The following SPCS2 variants were observed in gnomAD, a reference collection of about 807,000 sequenced individuals.
The protein encoded by SPCS2 is SPase 25 kDa subunit.
A neutral mutation model predicts 22.3 loss-of-function variants in SPCS2; 3 were observed. The ratio of observed to expected loss-of-function variants is 0.13; its 90% CI spans 0.06 to 0.35. The LOEUF (loss-of-function observed/expected upper bound fraction) is 0.35. Among genes scored for constraint, SPCS2 ranks in the 10% least tolerant of loss-of-function variants. The probability of loss-of-function intolerance (pLI) is 1.00; values close to 1 mark genes in which losing one functional copy is unlikely to be tolerated. For missense variants in SPCS2, 169 were observed against 280.9 expected, an observed-to-expected ratio of 0.60 and a Z score of 2.85; for synonymous variants, 67 against 97.2, an observed-to-expected ratio of 0.69 and a Z score of 1.83.
At chr11:74,975,624 T>A (rs1225770932) in intron 4 of SPCS2, among the ~76,000 whole-genome samples, 2 of 152,216 alleles carry the variant, frequency 1.3e-5, no homozygotes, top group African/African-American at 4.8e-5. Flanking sequence ...TAGCAGTTGG[T>A]CAGAACTTGA....
At chr11:74,973,762 G>GT (rs1291636845) in intron 4 of SPCS2, among the ~76,000 whole-genome samples, 1 of 151,894 alleles carries the variant, frequency 6.6e-6, no homozygotes, top group Admixed American at 6.6e-5. Context: ...TTTACTCTCG[G>GT]TTTTTTGTTG....
At chr11:74,952,389 A>T (rs889347726) in intron 1 of SPCS2, among the ~76,000 whole-genome samples, 3 of 152,232 alleles carry the variant, frequency 2.0e-5, no homozygotes, top group Admixed American at 1.3e-4. Context: ...ATTCATACAT[A>T]TTATAGGCTT....
chr11:74,972,062 C>T (rs904511985), intron 4 of SPCS2, among the ~76,000 whole-genome samples: 14 of 151,948 alleles, frequency 9.2e-5, no homozygotes, highest in African/African-American at 3.4e-4. Context: ...ATTAGGTGGT[C>T]CTAGTTATTC....
intron 2 of SPCS2, 88 bp from the exon 3 acceptor site, chr11:74,965,675 T>G: frequency 8.5e-7 from 1 of 1,176,606 alleles, no homozygotes; most frequent in South Asian, 1.4e-5. Flanking sequence ...GTAATTCATA[T>G]GATTCTTTTA....
intron 1 of SPCS2, among the ~76,000 whole-genome samples, chr11:74,961,802 A>G (rs1309509513): frequency 3.3e-5 from 5 of 152,172 alleles, no homozygotes; most frequent in Non-Finnish European, 5.9e-5. Flanking sequence ...TGCTGGGATT[A>G]TAGGTGTGAG....
At position 74,978,341 on chromosome 11, in the gene SPCS2, A is replaced by G. The variant is rs1948627674; in HGVS notation, c.*1298A>G. The G allele has an allele frequency of 1.3e-5, 2 of 152,232 alleles. No individual in the cohort carries two copies. The highest frequency in any genetic ancestry group is 1.3e-4 in the Admixed American group (2 of 15,286). The allele number at this position is 152,232 out of a possible 1,614,324, so 9.4% of individuals were successfully genotyped here. A position where few individuals can be genotyped will look rare whatever the true frequency, so the allele number is the denominator to read the frequency against. On this transcript the variant is annotated 3_prime_UTR_variant, in exon 5 of 5. Coordinates refer to ENST00000263672, the MANE Select transcript of SPCS2 (RefSeq NM_014752.3). ...TCGCACCACATGGTAGGGAATTGTG[A>G]ACAACACTGGACAGAAAGTTAAAGC...
chr11:74,967,916 A>C (rs1948556615), intron 3 of SPCS2, among the ~76,000 whole-genome samples: 1 of 152,080 alleles, frequency 6.6e-6, no homozygotes, highest in Admixed American at 6.5e-5. Flanking sequence ...CCTGGGTGAC[A>C]GAGTGAGACC....
intron 1 of SPCS2, among the ~76,000 whole-genome samples, chr11:74,958,228 T>A (rs1307188592): frequency 1.3e-5 from 2 of 152,268 alleles, no homozygotes; most frequent in Non-Finnish European, 2.9e-5. Flanking sequence ...GCTCATAATT[T>A]AATTAACACA....
At chr11:74,960,006 A>G (rs767865364) in intron 1 of SPCS2, among the ~76,000 whole-genome samples, 6 of 152,114 alleles carry the variant, frequency 3.9e-5, no homozygotes, top group Non-Finnish European at 7.4e-5. Context: ...TTTTCTTTGA[A>G]CTGGTTAGCC....
chr11:74,956,126 T>C (rs909065754), intron 1 of SPCS2, among the ~76,000 whole-genome samples: 1 of 151,900 alleles, frequency 6.6e-6, no homozygotes, highest in Non-Finnish European at 1.5e-5. Context: ...TTTGGTCTTC[T>C]TCCTGACCTG....
At chr11:74,975,513 A>G (rs1443260196) in intron 4 of SPCS2, among the ~76,000 whole-genome samples, 1 of 152,228 alleles carries the variant, frequency 6.6e-6, no homozygotes, top group African/African-American at 2.4e-5. Flanking sequence ...CATTTCTAAA[A>G]TGTATCAGGT....
intron 2 of SPCS2, 124 bp downstream of exon 2, chr11:74,965,241 C>A: frequency 1.5e-6 from 1 of 656,860 alleles, no homozygotes; most frequent in Non-Finnish European, 2.5e-6. Flanking sequence ...AGTCAGAAAG[C>A]AGTTTCTAAA....
At chr11:74,963,955 T>G (rs1341777033) in intron 1 of SPCS2, among the ~76,000 whole-genome samples, 4 of 152,248 alleles carry the variant, frequency 2.6e-5, no homozygotes, top group Non-Finnish European at 5.9e-5. Flanking sequence ...TAAGCTATAT[T>G]TACTTAAATA....
At chr11:74,963,627 C>T (rs1348492551) in intron 1 of SPCS2, 1 of 437,692 alleles carries the variant, frequency 2.3e-6, no homozygotes. Flanking sequence ...CCAGGCTGGA[C>T]TCGAGCTCCT....
chr11:74,975,437 A>C (rs1948609343), intron 4 of SPCS2, among the ~76,000 whole-genome samples: 1 of 152,180 alleles, frequency 6.6e-6, no homozygotes, highest in Non-Finnish European at 1.5e-5. Context: ...TCACTGCCGT[A>C]TATCCTTACC....
chr11:74,968,380 G>A (rs1181600078), intron 3 of SPCS2: 1 of 152,104 alleles, frequency 6.6e-6, no homozygotes, highest in Non-Finnish European at 1.5e-5. Flanking sequence ...GGAGTGCAGT[G>A]GCACGATCTT....
chr11:74,964,034 A>G (rs1352660685), intron 1 of SPCS2, among the ~76,000 whole-genome samples: 2 of 152,238 alleles, frequency 1.3e-5, no homozygotes, highest in South Asian at 2.1e-4. Flanking sequence ...AGGCACACAT[A>G]GAGTAATCTT....
In SPCS2 at chr11:74,965,035, G is replaced by A. The variant is rs1055814547; in HGVS notation, c.116G>A (p.Trp39Ter). ...GSGRSGLLDK[W>*]KIDDKPVKID... ...ACAACTTTTTTGTTTGTTTTACAGT[G>A]GAAGATAGATGATAAGCCTGTAAAA... Residue 39 changes from tryptophan (W) to a stop codon, truncating the protein, a stop_gained and splice_region_variant, in exon 2 of 5, where the codon TGG becomes TAG. Coordinates refer to ENST00000263672, the MANE Select transcript of SPCS2 (RefSeq NM_014752.3). LOFTEE classifies it high-confidence loss of function. 7 of 1,548,706 alleles carry A rather than the reference G, an allele frequency of 4.5e-6. No individual in the cohort carries two copies. Among genetic ancestry groups the A allele is most frequent in the African/African-American group, 1.4e-5 (1 of 72,902 alleles).
At chr11:74,963,527 CTCT>C (rs1948526021) in intron 1 of SPCS2, 1 of 394,072 alleles carries the variant, frequency 2.5e-6, no homozygotes, top group Non-Finnish European at 4.9e-6. Context: ...TTTATCCCAT[CTCT>C]TATTTTATTT....
Sources: allele counts gnomAD v4.1 joint callset (sites outside exome capture counted in the v4.1 genomes callset), GRCh38; gene constraint gnomAD v4.1.1; transcripts MANE v1.5; gene names NCBI Gene and HGNC (gene_info 2026-07-23, HGNC 2026-07-21).